Variants in AUTS2 observed in about 807,000 individuals in gnomAD.
AUTS2 encodes the protein activator of transcription and developmental regulator AUTS2, also known as autism susceptibility gene 2 protein.
AUTS2 carries 17 observed loss-of-function variants against 112.4 expected under a neutral mutation model. The observed-to-expected ratio is 0.15, with a 90% CI of 0.10 to 0.23. The LOEUF (loss-of-function observed/expected upper bound fraction) is 0.23, where lower values mean the gene tolerates loss of function less well. Ranked by LOEUF, AUTS2 falls within the 10% of genes least tolerant of loss-of-function variation. The probability of loss-of-function intolerance (pLI) is 1.00; values close to 1 mark genes in which losing one functional copy is unlikely to be tolerated. For synonymous variants in AUTS2, 751 were observed against 702.7 expected (o/e 1.07, Z -1.09); for missense variants, 1,510 against 1,701.6 (o/e 0.89, Z 1.98).
intron 4 of AUTS2, among the ~76,000 whole-genome samples, chr7:70,271,363 G>A (rs1374752731): frequency 1.3e-5 from 2 of 151,852 alleles, no homozygotes; most frequent in Admixed American, 1.3e-4. Context: ...ATTACTTGTA[G>A]AAAATCAATA....
chr7:70,300,656 G>A (rs908037425), intron 4 of AUTS2, among the ~76,000 whole-genome samples: 25 of 152,192 alleles, frequency 1.6e-4, no homozygotes, highest in Middle Eastern at 6.8e-3. Context: ...TCAAGCCAGC[G>A]GTGCCACCAG....
intron 5 of AUTS2, among the ~76,000 whole-genome samples, chr7:70,557,762 C>G (rs1801311765): frequency 6.6e-6 from 1 of 152,192 alleles, no homozygotes; most frequent in African/African-American, 2.4e-5. Flanking sequence ...GCAGTCAGAT[C>G]TGATGCTGAC....
chr7:70,058,661 T>C (rs935294661), intron 2 of AUTS2, among the ~76,000 whole-genome samples: 2 of 152,102 alleles, frequency 1.3e-5, no homozygotes, highest in East Asian at 1.9e-4. Flanking sequence ...ACAGCATCTT[T>C]TTCTTTTTAA....
intron 2 of AUTS2, among the ~76,000 whole-genome samples, chr7:70,114,604 C>G (rs1401158958): frequency 2.0e-5 from 3 of 151,944 alleles, no homozygotes; most frequent in Non-Finnish European, 4.4e-5. Context: ...ACCAACCTGA[C>G]CAACATGGAG....
chr7:70,711,180 C>A (rs1810032167), intron 6 of AUTS2, among the ~76,000 whole-genome samples: 1 of 152,024 alleles, frequency 6.6e-6, no homozygotes, highest in Non-Finnish European at 1.5e-5. Context: ...TGCCTTCTTT[C>A]CTTCTCAGGG....
At chr7:70,110,884 T>TTTTTG (rs1562704019) in intron 2 of AUTS2, among the ~76,000 whole-genome samples, 1 of 107,348 alleles carries the variant, frequency 9.3e-6, no homozygotes, top group Non-Finnish European at 1.8e-5. Flanking sequence ...TTTTTTTTTT[T>TTTTTG]GAGAGTCTCG....
chr7:70,275,569 T>C lies in AUTS2; in HGVS notation c.660+140998T>C, dbSNP rs148367684. Reference sequence around the variant, plus strand: ...AAAAAAATTTGTATATTTGCCACAATAAAATACACAGACACTGGTATGATT... The same window carrying C: ...AAAAAAATTTGTATATTTGCCACAACAAAATACACAGACACTGGTATGATT... On this transcript the variant is annotated intron_variant, in intron 4 of 18. Transcript: ENST00000342771. Among the ~76,000 whole-genome samples the C allele has an allele frequency of 1.4e-3, 210 of 152,278 alleles. 1 individual carries two copies. In the East Asian group the frequency reaches 0.016, roughly 12 times the overall value.
chr7:69,755,368 A>G (rs1051732927), intron 1 of AUTS2, among the ~76,000 whole-genome samples: 4 of 152,198 alleles, frequency 2.6e-5, no homozygotes, highest in Non-Finnish European at 4.4e-5. Context: ...TAAAACAACA[A>G]TCATCTCCAC....
intron 4 of AUTS2, among the ~76,000 whole-genome samples, chr7:70,249,119 A>G (rs1396151350): frequency 6.6e-6 from 1 of 152,224 alleles, no homozygotes; most frequent in Admixed American, 6.5e-5. Flanking sequence ...CTATTGAAAT[A>G]TAAGGTGTTA....
At chr7:69,730,419 TTAAA>T (rs1308992320) in intron 1 of AUTS2, among the ~76,000 whole-genome samples, 3 of 152,180 alleles carry the variant, frequency 2.0e-5, no homozygotes, top group Non-Finnish European at 4.4e-5. Context: ...TGTGGTTTAA[TTAAA>T]AGCAATTTTT....
At chr7:70,776,997 C>G in intron 13 of AUTS2, 106 bp from the exon 14 acceptor site, 1 of 1,061,752 alleles carries the variant, frequency 9.4e-7, no homozygotes, top group Non-Finnish European at 1.4e-6. Flanking sequence ...TCTTGTTTCA[C>G]GAAAAAAGCC....
At chr7:70,072,642 G>A (rs1400581178) in intron 2 of AUTS2, among the ~76,000 whole-genome samples, 2 of 152,142 alleles carry the variant, frequency 1.3e-5, no homozygotes, top group African/African-American at 2.4e-5. Context: ...GCACAGGTTC[G>A]AATCACCACC....
intron 5 of AUTS2, among the ~76,000 whole-genome samples, chr7:70,612,510 A>C (rs1804147147): frequency 6.6e-6 from 1 of 151,974 alleles, no homozygotes; most frequent in South Asian, 2.1e-4. Context: ...TGAACCCTGG[A>C]GATGATCTAG....
rs546029514 is a variant in AUTS2 at position 69,683,062 on chromosome 7, G to A, written c.309+83100G>A. On this transcript the variant is annotated intron_variant, in intron 1 of 18. Transcript: ENST00000342771. ...GTACAGAGGGAAGAGGGCTCAGAAC[G>A]GAAAACCCCCATTGCTGGGGGGAAT... Among the ~76,000 whole-genome samples, 4 of 152,342 alleles carry A rather than the reference G, an allele frequency of 2.6e-5. No individual in the cohort carries two copies. The East Asian group carries it at 5.8e-4, about 22-fold the overall frequency.
chr7:69,609,337 A>G (rs1311957710), intron 1 of AUTS2, among the ~76,000 whole-genome samples: 1 of 152,232 alleles, frequency 6.6e-6, no homozygotes, highest in Non-Finnish European at 1.5e-5. Flanking sequence ...TTTACACAAT[A>G]TCAAGAACCT....
intron 13 of AUTS2, chr7:70,776,873 GTGGTTTTC>G: frequency 1.8e-6 from 1 of 567,096 alleles, no homozygotes. Context: ...CCTTGTCAAT[GTGGTTTTC>G]TGAGTAGCAA....
At chr7:70,369,829 C>T (rs557932563) in intron 4 of AUTS2, among the ~76,000 whole-genome samples, 17 of 152,280 alleles carry the variant, frequency 1.1e-4, no homozygotes, top group Non-Finnish European at 1.6e-4. Context: ...ACTCCCCATA[C>T]GACTTGAATG....
intron 1 of AUTS2, among the ~76,000 whole-genome samples, chr7:69,625,035 G>A (rs151307779): frequency 7.2e-5 from 11 of 151,746 alleles, no homozygotes; most frequent in African/African-American, 2.7e-4. Flanking sequence ...GAAGCGGGAG[G>A]AGTGGTGTCA....
At chr7:70,633,815 T>C (rs1805399124) in intron 5 of AUTS2, among the ~76,000 whole-genome samples, 2 of 152,196 alleles carry the variant, frequency 1.3e-5, no homozygotes, top group Admixed American at 6.5e-5. Context: ...TACACTTTCC[T>C]AAATTTTAAG....
Sources: allele counts gnomAD v4.1 joint callset (sites outside exome capture counted in the v4.1 genomes callset), GRCh38; gene constraint gnomAD v4.1.1; transcripts MANE v1.5; gene names NCBI Gene and HGNC (gene_info 2026-07-23, HGNC 2026-07-21).